The following SDK2 variants were observed in gnomAD, a reference collection of about 807,000 sequenced individuals.
SDK2 encodes the protein sidekick cell adhesion molecule 2, also known as protein sidekick-2.
In SDK2, 105 loss-of-function variants were observed where a neutral mutation model predicts 253.9. The observed-to-expected ratio is 0.41, with a 90% confidence interval of 0.35 to 0.49. The LOEUF (loss-of-function observed/expected upper bound fraction) is 0.49, where lower values mean the gene tolerates loss of function less well. SDK2 is among the 20% of genes least tolerant of loss of function. The pLI is 0.06. For missense variants in SDK2, 2,608 were observed against 3,003.0 expected, an observed-to-expected ratio of 0.87 and a Z score of 3.07; for synonymous variants, 1,249 against 1,234.9, an observed-to-expected ratio of 1.01 and a Z score of -0.24.
intron 1 of SDK2, among the ~76,000 whole-genome samples, chr17:73,637,203 G>C (rs955114915): frequency 6.6e-6 from 1 of 152,138 alleles, no homozygotes; most frequent in Non-Finnish European, 1.5e-5. Flanking sequence ...GAAATGCAGA[G>C]ACCACAATGT....
intron 40 of SDK2, among the ~76,000 whole-genome samples, chr17:73,355,184 T>TTTTTTTTTTTTTTTTTTC (rs1568363079): frequency 2.2e-5 from 1 of 44,772 alleles, no homozygotes; most frequent in African/African-American, 1.9e-4. Context: ...ATTTTTTTTT[T>TTTTTTTTTTTTTTTTTTC]TTTTTTTTTT....
chr17:73,437,644 G>T, intron 8 of SDK2, 95 bp downstream of exon 8: 1 of 1,106,886 alleles, frequency 9.0e-7, no homozygotes, highest in South Asian at 1.2e-5. Flanking sequence ...ACATGGTCTC[G>T]AGAAGAAGCT....
intron 3 of SDK2, among the ~76,000 whole-genome samples, chr17:73,463,189 C>G (rs950187898): frequency 2.0e-5 from 3 of 152,172 alleles, no homozygotes; most frequent in Admixed American, 1.3e-4. Context: ...GCTAATACGC[C>G]GTGTTATGCC....
intron 37 of SDK2, among the ~76,000 whole-genome samples, chr17:73,366,427 G>C (rs1195576557): frequency 6.6e-6 from 1 of 151,862 alleles, no homozygotes; most frequent in African/African-American, 2.4e-5. Flanking sequence ...GGAGGGAAAG[G>C]GTTCCCTGGA....
chr17:73,406,204 C>A (rs1329935792), intron 18 of SDK2, among the ~76,000 whole-genome samples: 4 of 151,556 alleles, frequency 2.6e-5, no homozygotes, highest in African/African-American at 4.8e-5. Context: ...TTGGCTGAAT[C>A]CACAGATGTG....
intron 2 of SDK2, among the ~76,000 whole-genome samples, chr17:73,503,613 A>C (rs1458051567): frequency 1.3e-5 from 2 of 152,250 alleles, no homozygotes; most frequent in African/African-American, 4.8e-5. Flanking sequence ...ACCTGCTATG[A>C]GCCAGGGACA....
At position 73,609,853 on chromosome 17, in the gene SDK2, C is replaced by G. The variant is rs1409188068; in HGVS notation, c.64+34172G>C. On this transcript the variant is annotated intron_variant, in intron 1 of 44. Transcript: ENST00000392650. The surrounding 1 kb of genome is among the most constrained non-coding windows in gnomAD (Gnocchi z 4.4). ...CCCCAGGGCCCAAGGAGACAGAGTCCCTGCTGGCCATGTCCCTCCCATTCC... is the reference window on the plus strand; with the variant it reads ...CCCCAGGGCCCAAGGAGACAGAGTCGCTGCTGGCCATGTCCCTCCCATTCC... 6.6e-6 allele frequency among the ~76,000 whole-genome samples: 1 copy of G among 152,200 alleles called. No individual in the cohort carries two copies. The highest frequency in any genetic ancestry group is 1.5e-5 in the Non-Finnish European group (1 of 68,040).
At chr17:73,636,262 G>A (rs1221618362) in intron 1 of SDK2, among the ~76,000 whole-genome samples, 2 of 152,242 alleles carry the variant, frequency 1.3e-5, no homozygotes, top group East Asian at 1.9e-4. Context: ...ACATGTCAGA[G>A]TGATAGGGAG....
chr17:73,474,103 G>A (rs1244742676), intron 2 of SDK2, among the ~76,000 whole-genome samples: 1 of 152,152 alleles, frequency 6.6e-6, no homozygotes, highest in Non-Finnish European at 1.5e-5. Flanking sequence ...TTTGGCACAA[G>A]CAATCCTCCC....
intron 1 of SDK2, among the ~76,000 whole-genome samples, chr17:73,581,425 C>A (rs2145882690): frequency 6.6e-6 from 1 of 152,332 alleles, no homozygotes; most frequent in South Asian, 2.1e-4. Context: ...CCCACTCTCA[C>A]ATATCATCTT....
chr17:73,603,599 T>C (rs1053775806), intron 1 of SDK2, among the ~76,000 whole-genome samples: 4 of 152,196 alleles, frequency 2.6e-5, no homozygotes, highest in African/African-American at 7.2e-5. Flanking sequence ...TCAGAATCTA[T>C]AAACATGGCA....
intron 2 of SDK2, among the ~76,000 whole-genome samples, chr17:73,483,686 T>C (rs1179317316): frequency 5.1e-5 from 4 of 77,780 alleles, no homozygotes; most frequent in African/African-American, 1.5e-4. Context: ...TATATATTTA[T>C]ATATATATAT....
chr17:73,638,806 C>CTTT lies in SDK2; in HGVS notation c.64+5216_64+5218dup, dbSNP rs1223522657. On this transcript the variant is annotated intron_variant, in intron 1 of 44. Coordinates refer to ENST00000392650, the MANE Select transcript of SDK2 (RefSeq NM_001144952.2). ...ACAACTCTAAAAGGTAGATAACAGT[C>CTTT]TTTTTTTTTTTTTTTTTTAATGAGA... Among the ~76,000 whole-genome samples the CTTT allele has an allele frequency of 1.5e-3, 215 of 138,974 alleles. 3 individuals carry two copies. The highest frequency in any genetic ancestry group is 2.3e-3 in the African/African-American group (86 of 37,244). The allele number at this position is 138,974 out of a possible 152,430, so 91.2% of individuals were successfully genotyped here.
chr17:73,411,650 G>A (rs1245474155), intron 18 of SDK2, among the ~76,000 whole-genome samples: 5 of 152,098 alleles, frequency 3.3e-5, no homozygotes, highest in Non-Finnish European at 1.5e-5. Context: ...GGACAGGCAC[G>A]GGGCCCACAT....
At position 73,438,112 on chromosome 17, in the gene SDK2, T is replaced by C. The variant is rs368458703; in HGVS notation, c.768A>G (p.Val256=). The part of the protein sequence containing the change: ...KLHIIWKKDG[V]LLSGGISDHN... ...GGTCACTGATGCCGCCCGACAGCAA[T>C]ACCCCGTCCTTCTTCCAAATGATAT... The change falls in exon 7 of 45, where the codon GTA becomes GTG. Residue 256 remains valine, a synonymous_variant. Coordinates refer to ENST00000392650, the MANE Select transcript of SDK2 (RefSeq NM_001144952.2). 42 of 1,551,524 alleles carry C rather than the reference T, an allele frequency of 2.7e-5. No individual in the cohort carries two copies. The highest frequency in any genetic ancestry group is 3.3e-4 in the Middle Eastern group (2 of 6,014).
chr17:73,370,883 C>T (rs2062729427), intron 36 of SDK2, among the ~76,000 whole-genome samples: 1 of 151,884 alleles, frequency 6.6e-6, no homozygotes, highest in Admixed American at 6.6e-5. Flanking sequence ...GGCAACATGG[C>T]AAGACCCCTG....
chr17:73,419,743 T>C (rs12451700), intron 15 of SDK2, among the ~76,000 whole-genome samples: 6 of 138,728 alleles, frequency 4.3e-5, no homozygotes, highest in Admixed American at 1.6e-4. Flanking sequence ...AAAAACTCCC[T>C]CCTGGTGACT....
chr17:73,604,791 C>T (rs530430162), intron 1 of SDK2, among the ~76,000 whole-genome samples: 2 of 152,308 alleles, frequency 1.3e-5, no homozygotes, highest in East Asian at 1.9e-4. Context: ...TGGAAGACCA[C>T]GCCGAGGTCC....
In SDK2 at chr17:73,402,134, G is replaced by C. The variant is rs576079011; in HGVS notation, c.2492C>G (p.Ala831Gly). 6.2e-7 allele frequency: 1 copy of C among 1,613,200 alleles called. No individual in the cohort carries two copies. Among genetic ancestry groups the C allele is most frequent in the Non-Finnish European group, 8.5e-7 (1 of 1,179,400 alleles). Residue 831 changes from alanine to glycine, a missense_variant, in exon 19 of 45, where the codon GCC (alanine) becomes GGC (glycine). Physicochemically the swap from Ala to Gly is moderately conservative, Grantham distance 60. This residue lies in a region of SDK2 where 1,505 missense variants were observed against 1,859.1 expected (regional missense o/e 0.81). Transcript: ENST00000392650. ...NGINQGYKLI[A>G]WEPEQEEEVT... ...CTCCTCTTCCTGTTCCGGCTCCCAG[G>C]CGATCAGCTGCGGAGAGGCGAGCAA...
Sources: allele counts gnomAD v4.1 joint callset (sites outside exome capture counted in the v4.1 genomes callset), GRCh38; gene constraint gnomAD v4.1.1; regional missense constraint gnomAD v4.1.1; non-coding constraint Gnocchi (gnomAD v3.1); transcripts MANE v1.5; gene names NCBI Gene and HGNC (gene_info 2026-07-23, HGNC 2026-07-21).